Variants in PRPS2 observed in about 807,000 individuals in gnomAD.
PRPS2 encodes phosphoribosyl pyrophosphate synthetase 2.
For missense variants in PRPS2, 104 were observed against 271.5 expected (o/e 0.38, Z 4.34); for synonymous variants, 111 against 115.3 (o/e 0.96, Z 0.24).
At chrX:12,821,927 A>T (rs2042678267) in intron 6 of PRPS2, among the ~76,000 whole-genome samples, 1 of 112,712 alleles carries the variant, frequency 8.9e-6, no homozygotes, top group Non-Finnish European at 1.9e-5. Context: ...CATTGCTCCA[A>T]AGCCTCGGCT....
At chrX:12,810,464 T>C (rs1017804642) in intron 4 of PRPS2, 5 of 267,057 alleles carry the variant, frequency 1.9e-5, no homozygotes, top group Non-Finnish European at 3.3e-5. Context: ...ATGAGCCTAA[T>C]TGGAAAATAA....
At chrX:12,795,784 G>A (rs888748409) in intron 1 of PRPS2, among the ~76,000 whole-genome samples, 4 of 111,992 alleles carry the variant, frequency 3.6e-5, no homozygotes, top group Non-Finnish European at 5.6e-5. Flanking sequence ...TTCAACACAT[G>A]AACTTTAGGG....
intron 1 of PRPS2, among the ~76,000 whole-genome samples, chrX:12,792,166 C>T (rs2042522793): frequency 8.9e-6 from 1 of 112,664 alleles, no homozygotes; most frequent in Non-Finnish European, 1.9e-5. Flanking sequence ...AACGCTGCTT[C>T]CCCCGACCTG....
intron 4 of PRPS2, among the ~76,000 whole-genome samples, chrX:12,818,276 G>T (rs749852554): frequency 1.9e-5 from 2 of 105,849 alleles, no homozygotes; most frequent in Non-Finnish European, 3.9e-5. Context: ...GCCGAGGCAG[G>T]AGAATCACTT....
intron 1 of PRPS2, among the ~76,000 whole-genome samples, chrX:12,796,551 G>A (rs1359076627): frequency 2.7e-5 from 3 of 111,807 alleles, no homozygotes; most frequent in African/African-American, 6.5e-5. Context: ...ATTTCATTGA[G>A]TATCTGATAG....
intron 2 of PRPS2, among the ~76,000 whole-genome samples, chrX:12,805,003 T>A (rs756803415): frequency 8.9e-6 from 1 of 112,143 alleles, no homozygotes; most frequent in Non-Finnish European, 1.9e-5. Context: ...GATTCAAAGC[T>A]GGTTTTGTTT....
intron 2 of PRPS2, among the ~76,000 whole-genome samples, chrX:12,807,396 G>A (rs952848657): frequency 7.1e-5 from 8 of 112,421 alleles, no homozygotes; most frequent in Non-Finnish European, 1.1e-4. Flanking sequence ...CTTTCAACCC[G>A]TAGTAACTGA....
intron 2 of PRPS2, among the ~76,000 whole-genome samples, chrX:12,801,859 T>G (rs1464702981): frequency 8.9e-6 from 1 of 112,590 alleles, no homozygotes; most frequent in Non-Finnish European, 1.9e-5. Context: ...TCTGCCCGCC[T>G]TGGCCTCCCA....
intron 4 of PRPS2, among the ~76,000 whole-genome samples, chrX:12,810,741 T>C (rs2042619495): frequency 1.8e-5 from 2 of 109,829 alleles, no homozygotes; most frequent in Non-Finnish European, 3.8e-5. Context: ...TCCTAGCACC[T>C]TGGGAAGCCG....
At chrX:12,819,827 T>G in intron 5 of PRPS2, 147 bp downstream of exon 5, 1 of 700,989 alleles carries the variant, frequency 1.4e-6, no homozygotes, top group Non-Finnish European at 2.0e-6. Flanking sequence ...CCCTTTTATC[T>G]TTATACTTCT....
At chrX:12,798,069 T>C (rs2042552868) in intron 1 of PRPS2, among the ~76,000 whole-genome samples, 1 of 111,820 alleles carries the variant, frequency 8.9e-6, no homozygotes, top group Non-Finnish European at 1.9e-5. Context: ...GACGATGAAA[T>C]GCAGATGGGA....
chrX:12,822,595 T>C, intron 6 of PRPS2, 109 bp from the exon 7 acceptor site: 1 of 706,965 alleles, frequency 1.4e-6, no homozygotes. Context: ...CAACACATCA[T>C]GTATGCTGCA....
At chrX:12,820,059 G>A (rs1569098387) in intron 5 of PRPS2, among the ~76,000 whole-genome samples, 1 of 112,389 alleles carries the variant, frequency 8.9e-6, no homozygotes, top group East Asian at 2.8e-4. Context: ...TGCCCAGTAT[G>A]GAAGCCCCCA....
chrX:12,815,821 T>A (rs959124444), intron 4 of PRPS2, among the ~76,000 whole-genome samples: 5 of 109,887 alleles, frequency 4.6e-5, no homozygotes, highest in Non-Finnish European at 9.5e-5. Context: ...TTTTTGTATT[T>A]TTGTAGAGAT....
intron 1 of PRPS2, among the ~76,000 whole-genome samples, chrX:12,793,972 C>G (rs2042531671): frequency 8.9e-6 from 1 of 112,460 alleles, no homozygotes; most frequent in Non-Finnish European, 1.9e-5. Context: ...CTAGATGTCT[C>G]TGTTGTAACA....
At chrX:12,818,821 C>G (rs2042662015) in intron 4 of PRPS2, among the ~76,000 whole-genome samples, 1 of 111,513 alleles carries the variant, frequency 9.0e-6, no homozygotes, top group African/African-American at 3.3e-5. Flanking sequence ...CGAGGCCTGC[C>G]CACTTTCTCT....
intron 2 of PRPS2, among the ~76,000 whole-genome samples, chrX:12,804,939 T>C (rs2042586594): frequency 9.0e-6 from 1 of 111,537 alleles, no homozygotes; most frequent in Non-Finnish European, 1.9e-5. Flanking sequence ...ATTGCTCTTC[T>C]TGGAATGCCT....
intron 2 of PRPS2, among the ~76,000 whole-genome samples, chrX:12,806,011 T>G (rs1212676590): frequency 1.8e-5 from 2 of 109,398 alleles, no homozygotes; most frequent in Non-Finnish European, 3.8e-5. Context: ...AGGCAGAGGT[T>G]GTAGTGCAGT....
chrX:12,811,319 C>T (rs1235300277), intron 4 of PRPS2, among the ~76,000 whole-genome samples: 1 of 111,994 alleles, frequency 8.9e-6, no homozygotes, highest in African/African-American at 3.2e-5. Flanking sequence ...TGATGAGGCA[C>T]CCAGTGGTGT....
Sources: allele counts gnomAD v4.1 joint callset (sites outside exome capture counted in the v4.1 genomes callset), GRCh38; gene constraint gnomAD v4.1.1; transcripts MANE v1.5; gene names NCBI Gene and HGNC (gene_info 2026-07-23, HGNC 2026-07-21).